Variants in TMEM108 observed in about 807,000 individuals in gnomAD.
The protein encoded by TMEM108 is transmembrane protein 108, also known as cancer/testis antigen 124.
Under a neutral mutation model 35.1 loss-of-function variants are expected in TMEM108, and 12 were observed. The observed-to-expected ratio is 0.34, with a 90% confidence interval of 0.22 to 0.55. The LOEUF (loss-of-function observed/expected upper bound fraction) is 0.55, where lower values mean the gene tolerates loss of function less well. Among genes scored for constraint, TMEM108 ranks in the 20% least tolerant of loss-of-function variants. The probability of loss-of-function intolerance (pLI) is 0.89; values close to 1 mark genes in which losing one functional copy is unlikely to be tolerated. For missense variants in TMEM108, 680 were observed against 753.3 expected (o/e 0.90, Z 1.14); for synonymous variants, 287 against 308.6 (o/e 0.93, Z 0.73).
intron 3 of TMEM108, among the ~76,000 whole-genome samples, chr3:133,368,546 A>G (rs1178593011): frequency 6.6e-6 from 1 of 152,014 alleles, no homozygotes; most frequent in East Asian, 1.9e-4. Context: ...CTCCTGCCTC[A>G]CTCTGGCCTG....
At chr3:133,193,244 TAAA>T (rs1426111398) in intron 2 of TMEM108, among the ~76,000 whole-genome samples, 1 of 151,862 alleles carries the variant, frequency 6.6e-6, no homozygotes, top group African/African-American at 2.4e-5. Flanking sequence ...TCCCCTCAGT[TAAA>T]AAAAAGCTAT....
In TMEM108 at chr3:133,349,854, C is replaced by A. The variant is rs189331850; in HGVS notation, c.41-29898C>A. 2.6e-5 allele frequency among the ~76,000 whole-genome samples: 4 copies of A among 152,156 alleles called. No homozygotes were observed. The East Asian group carries it at 7.7e-4, about 29-fold the overall frequency. The stretch of plus-strand genomic sequence containing the variant: ...TGGTAGGATTGTAAACTAGTACAGC[C>A]ATTATGGAAAACAGTATGGAAGTTC... On this transcript the variant is annotated intron_variant, in intron 3 of 5. Transcript: ENST00000321871.
intron 1 of TMEM108, among the ~76,000 whole-genome samples, chr3:133,042,008 G>A (rs1943281686): frequency 6.6e-6 from 1 of 152,134 alleles, no homozygotes; most frequent in Non-Finnish European, 1.5e-5. Context: ...TGTGTTTTTA[G>A]ATCTTCTTAG....
chr3:133,292,682 A>G (rs1350845774), intron 3 of TMEM108, among the ~76,000 whole-genome samples: 1 of 152,160 alleles, frequency 6.6e-6, no homozygotes, highest in African/African-American at 2.4e-5. Context: ...TTTTTAAAGC[A>G]TCTGTTTCAA....
chr3:133,092,681 G>A (rs1476344264), intron 2 of TMEM108, among the ~76,000 whole-genome samples: 1 of 152,110 alleles, frequency 6.6e-6, no homozygotes, highest in African/African-American at 2.4e-5. Context: ...TCTTGATAAT[G>A]TTAATAGCAG....
chr3:133,293,335 T>C (rs962173660), intron 3 of TMEM108, among the ~76,000 whole-genome samples: 2 of 150,912 alleles, frequency 1.3e-5, no homozygotes, highest in Middle Eastern at 3.2e-3. Context: ...GAAACCTTCT[T>C]CTTTGTATCT....
chr3:133,096,149 T>G (rs1427182680), intron 2 of TMEM108, among the ~76,000 whole-genome samples: 1 of 152,102 alleles, frequency 6.6e-6, no homozygotes, highest in African/African-American at 2.4e-5. Flanking sequence ...CTCCTGAGGA[T>G]GCAGTGGTGG....
chr3:133,173,892 TG>T (rs1180597562), intron 2 of TMEM108, among the ~76,000 whole-genome samples: 1 of 152,248 alleles, frequency 6.6e-6, no homozygotes, highest in Non-Finnish European at 1.5e-5. Context: ...TCACCTCATC[TG>T]GGAAGCACAA....
chr3:133,054,741 TG>T (rs1365990318), intron 2 of TMEM108, among the ~76,000 whole-genome samples: 2 of 152,214 alleles, frequency 1.3e-5, no homozygotes. Context: ...GTAAGAATGA[TG>T]GTCCTGGCTC....
At chr3:133,098,522 A>G (rs1034589675) in intron 2 of TMEM108, among the ~76,000 whole-genome samples, 2 of 152,220 alleles carry the variant, frequency 1.3e-5, no homozygotes, top group African/African-American at 4.8e-5. Context: ...TCATTTCAGC[A>G]TTAACCCAAA....
intron 3 of TMEM108, among the ~76,000 whole-genome samples, chr3:133,367,401 A>G (rs553044816): frequency 2.6e-4 from 40 of 152,370 alleles, no homozygotes; most frequent in African/African-American, 8.7e-4. Context: ...TTAATTCCCA[A>G]GCACGCACAG....
At chr3:133,222,985 TA>T (rs1285761516) in intron 2 of TMEM108, among the ~76,000 whole-genome samples, 1 of 152,180 alleles carries the variant, frequency 6.6e-6, no homozygotes, top group Non-Finnish European at 1.5e-5. Context: ...CATGCCCAGC[TA>T]ATTTTTAAAT....
intron 2 of TMEM108, among the ~76,000 whole-genome samples, chr3:133,117,421 A>G (rs1944300969): frequency 6.6e-6 from 1 of 152,240 alleles, no homozygotes; most frequent in Non-Finnish European, 1.5e-5. Flanking sequence ...CCTTTCTGCC[A>G]GAACTGCCCA....
chr3:133,208,116 G>C (rs966288968), intron 2 of TMEM108, among the ~76,000 whole-genome samples: 12 of 152,288 alleles, frequency 7.9e-5, no homozygotes, highest in African/African-American at 2.9e-4. Context: ...TAAAGCAGGG[G>C]TTCCCAAACG....
intron 2 of TMEM108, among the ~76,000 whole-genome samples, chr3:133,083,023 G>C (rs575616153): frequency 1.1e-4 from 17 of 152,158 alleles, no homozygotes; most frequent in African/African-American, 3.6e-4. Flanking sequence ...TTTTCAAAAA[G>C]TTGCAATTTT....
At chr3:133,085,921 T>C (rs1010925982) in intron 2 of TMEM108, among the ~76,000 whole-genome samples, 1 of 152,224 alleles carries the variant, frequency 6.6e-6, no homozygotes, top group African/African-American at 2.4e-5. Context: ...GTGAGACTTA[T>C]TTTGGAAATG....
chr3:133,163,879 T>C (rs1944997185), intron 2 of TMEM108, among the ~76,000 whole-genome samples: 1 of 152,220 alleles, frequency 6.6e-6, no homozygotes, highest in Non-Finnish European at 1.5e-5. Flanking sequence ...CAGCTTAGGC[T>C]GCTGGTGAAG....
intron 2 of TMEM108, among the ~76,000 whole-genome samples, chr3:133,139,052 T>A (rs1322794781): frequency 6.6e-6 from 1 of 152,158 alleles, no homozygotes; most frequent in African/African-American, 2.4e-5. Context: ...TTGCTGAGAA[T>A]GATGGTTTCC....
chr3:133,173,615 G>T (rs1268918368), intron 2 of TMEM108, among the ~76,000 whole-genome samples: 1 of 152,038 alleles, frequency 6.6e-6, no homozygotes, highest in Non-Finnish European at 1.5e-5. Flanking sequence ...GTCTACTTGG[G>T]TTTTAATTTG....
Sources: gnomAD v4.1 joint callset for allele counts (sites outside exome capture counted in the v4.1 genomes callset) on GRCh38, gnomAD v4.1.1 for gene constraint, MANE v1.5 for transcripts, NCBI Gene and HGNC (gene_info 2026-07-23, HGNC 2026-07-21) for gene names.